WDPCP: variants seen among roughly 807,000 people sequenced by gnomAD.
The protein encoded by WDPCP is WD repeat-containing and planar cell polarity effector protein fritz homolog.
A neutral mutation model predicts 93.1 loss-of-function variants in WDPCP; 71 were observed. The observed-to-expected ratio is 0.76, with a 90% CI of 0.63 to 0.93. The LOEUF (loss-of-function observed/expected upper bound fraction) is 0.93. Among genes scored for constraint, WDPCP ranks in the 40% least tolerant of loss-of-function variants. The pLI is 0.00. For synonymous variants in WDPCP, 315 were observed against 315.0 expected (o/e 1.00, Z 0.00); for missense variants, 844 against 887.4 (o/e 0.95, Z 0.62).
intron 2 of WDPCP, among the ~76,000 whole-genome samples, chr2:63,685,804 G>A (rs1263668076): frequency 6.6e-6 from 1 of 152,060 alleles, no homozygotes; most frequent in Non-Finnish European, 1.5e-5. Context: ...TTTGATTTGT[G>A]CAAATAAATA....
At chr2:63,526,005 G>A (rs1369322258) in intron 1 of WDPCP, among the ~76,000 whole-genome samples, 1 of 152,062 alleles carries the variant, frequency 6.6e-6, no homozygotes, top group East Asian at 1.9e-4. Flanking sequence ...ATGTATGTAC[G>A]GCTTTTGAAT....
At chr2:63,443,434 A>G (rs562677678) in intron 6 of WDPCP, among the ~76,000 whole-genome samples, 2 of 152,308 alleles carry the variant, frequency 1.3e-5, no homozygotes, top group South Asian at 4.1e-4. Flanking sequence ...GGAGAAAAGG[A>G]GTTCGAGGCA....
intron 14 of WDPCP, among the ~76,000 whole-genome samples, chr2:63,195,941 T>C (rs1370999930): frequency 6.6e-6 from 1 of 152,222 alleles, no homozygotes; most frequent in Non-Finnish European, 1.5e-5. Context: ...AATGTACTAC[T>C]GTAATAATTG....
At chr2:63,134,559 A>C (rs1194333551) in intron 17 of WDPCP, among the ~76,000 whole-genome samples, 2 of 152,210 alleles carry the variant, frequency 1.3e-5, no homozygotes, top group Admixed American at 6.5e-5. Context: ...TACTTGGCTT[A>C]TACTATGAGC....
chr2:63,170,974 T>G (rs1211369113), intron 15 of WDPCP, among the ~76,000 whole-genome samples: 2 of 149,760 alleles, frequency 1.3e-5, no homozygotes, highest in Admixed American at 1.3e-4. Context: ...GGAAAATGAG[T>G]TTTTTTTCTT....
At chr2:63,600,874 C>T (rs569596293) in intron 3 of WDPCP, among the ~76,000 whole-genome samples, 1 of 152,230 alleles carries the variant, frequency 6.6e-6, no homozygotes, top group East Asian at 1.9e-4. Flanking sequence ...CTCTGGATTG[C>T]CAGAAAGTGA....
intron 14 of WDPCP, among the ~76,000 whole-genome samples, chr2:63,212,787 T>C (rs1407413713): frequency 1.5e-5 from 2 of 131,026 alleles, no homozygotes; most frequent in Non-Finnish European, 3.4e-5. Context: ...ACCACAAAAA[T>C]GGAAAACAAA....
chr2:63,567,005 G>C (rs1707116106), intron 1 of WDPCP, among the ~76,000 whole-genome samples: 1 of 152,190 alleles, frequency 6.6e-6, no homozygotes, highest in African/African-American at 2.4e-5. Context: ...GGGTGGAGTT[G>C]AGGTCGGGGG....
intron 2 of WDPCP, among the ~76,000 whole-genome samples, chr2:63,722,308 A>G (rs1210063280): frequency 9.2e-6 from 1 of 108,506 alleles, no homozygotes; most frequent in Non-Finnish European, 1.9e-5. Context: ...GGCCGCCATC[A>G]CATCTAGGAA....
At chr2:63,424,309 C>T (rs1424714922) in intron 9 of WDPCP, among the ~76,000 whole-genome samples, 1 of 151,978 alleles carries the variant, frequency 6.6e-6, no homozygotes, top group African/African-American at 2.4e-5. Flanking sequence ...GCAGCTGCAG[C>T]AAAATGTGGT....
chr2:63,437,586 G>T (rs765231797), intron 7 of WDPCP, 32 bp from the exon 8 acceptor site: 1 of 1,537,292 alleles, frequency 6.5e-7, no homozygotes, highest in Non-Finnish European at 8.8e-7. Context: ...TACCAAGTTA[G>T]AATAAAATAA....
chr2:63,685,424 A>T (rs1668791381), intron 2 of WDPCP, among the ~76,000 whole-genome samples: 1 of 152,230 alleles, frequency 6.6e-6, no homozygotes, highest in South Asian at 2.1e-4. Context: ...AAACCTGAAC[A>T]GACCAATAAC....
At chr2:63,667,547 C>T (rs901664996) in intron 2 of WDPCP, among the ~76,000 whole-genome samples, 7 of 152,164 alleles carry the variant, frequency 4.6e-5, no homozygotes, top group African/African-American at 9.7e-5. Flanking sequence ...AGTTATATTA[C>T]GCACATTCAA....
intron 2 of WDPCP, among the ~76,000 whole-genome samples, chr2:63,653,841 C>T (rs527525382): frequency 1.4e-5 from 2 of 146,004 alleles, no homozygotes; most frequent in African/African-American, 5.1e-5. Context: ...AGCCAGGAGA[C>T]AAAGGTTGCA....
At chr2:63,681,663 G>A (rs113823742) in intron 2 of WDPCP, among the ~76,000 whole-genome samples, 4 of 152,308 alleles carry the variant, frequency 2.6e-5, no homozygotes, top group Middle Eastern at 3.4e-3. Flanking sequence ...TCTGCTGATT[G>A]TAGAGCCCCA....
chr2:63,408,157 A>G (rs1694740860), intron 9 of WDPCP, among the ~76,000 whole-genome samples: 1 of 152,126 alleles, frequency 6.6e-6, no homozygotes, highest in Admixed American at 6.5e-5. Context: ...TTTAGCCCAG[A>G]TAGACTGCAA....
chr2:63,161,553 C>T (rs929821774), intron 15 of WDPCP, among the ~76,000 whole-genome samples: 13 of 152,046 alleles, frequency 8.6e-5, no homozygotes, highest in Non-Finnish European at 1.0e-4. Flanking sequence ...AACAAAGCTG[C>T]AGGAGGTCCA....
At chr2:63,328,945 C>G (rs1687770563) in intron 12 of WDPCP, among the ~76,000 whole-genome samples, 3 of 152,062 alleles carry the variant, frequency 2.0e-5, no homozygotes, top group Non-Finnish European at 4.4e-5. Flanking sequence ...CCAGGCTGGT[C>G]TCGAACTCCT....
chr2:63,528,421 A>G (rs546307273), intron 1 of WDPCP, among the ~76,000 whole-genome samples: 46 of 152,362 alleles, frequency 3.0e-4, no homozygotes, highest in African/African-American at 1.1e-3. Flanking sequence ...ATCCAGTTTC[A>G]GCTTTCTACA....
Sources: gnomAD v4.1 joint callset for allele counts (sites outside exome capture counted in the v4.1 genomes callset) on GRCh38, gnomAD v4.1.1 for gene constraint, MANE v1.5 for transcripts, NCBI Gene and HGNC (gene_info 2026-07-23, HGNC 2026-07-21) for gene names.